PACSIN2: variants seen among roughly 807,000 people sequenced by gnomAD.
The protein encoded by PACSIN2 is protein kinase C and casein kinase substrate in neurons protein 2.
PACSIN2 carries 25 observed loss-of-function variants against 63.8 expected under a neutral mutation model. That is an observed-to-expected ratio of 0.39 (90% CI 0.29 to 0.55). The LOEUF is 0.55. Ranked by LOEUF, PACSIN2 falls within the 20% of genes least tolerant of loss-of-function variation. PACSIN2 has a pLI of 0.62. For synonymous variants in PACSIN2, 255 were observed against 256.2 expected (o/e 1.00, Z 0.05); for missense variants, 518 against 646.9 (o/e 0.80, Z 2.16).
intron 1 of PACSIN2, among the ~76,000 whole-genome samples, chr22:42,975,959 G>A (rs994260970): frequency 3.3e-5 from 5 of 152,088 alleles, no homozygotes; most frequent in Non-Finnish European, 7.4e-5. Context: ...GGCCAAAAGC[G>A]GGCCAATGCT....
intron 2 of PACSIN2, among the ~76,000 whole-genome samples, chr22:42,910,300 C>T (rs1211371869): frequency 6.6e-6 from 1 of 152,192 alleles, no homozygotes; most frequent in Non-Finnish European, 1.5e-5. Flanking sequence ...AAAAAAGAGG[C>T]TCCCCATAAC....
intron 1 of PACSIN2, among the ~76,000 whole-genome samples, chr22:42,991,937 T>C (rs1467035696): frequency 6.6e-6 from 1 of 152,094 alleles, no homozygotes; most frequent in Admixed American, 6.5e-5. Flanking sequence ...GAGAAAACAT[T>C]TGTGACCTGG....
At chr22:42,888,589 C>T (rs1422130856) in intron 5 of PACSIN2, 54 bp downstream of exon 5, 17 of 1,577,742 alleles carry the variant, frequency 1.1e-5, no homozygotes, top group African/African-American at 1.3e-5. Flanking sequence ...ATGCCAGACA[C>T]GTCAACAACT....
At chr22:43,009,923 G>A (rs1924356187) in intron 1 of PACSIN2, among the ~76,000 whole-genome samples, 2 of 141,970 alleles carry the variant, frequency 1.4e-5, no homozygotes, top group African/African-American at 2.7e-5. Flanking sequence ...AGGCTGGAGT[G>A]CAGTGGCACA....
intron 10 of PACSIN2, among the ~76,000 whole-genome samples, chr22:42,872,800 G>A (rs1035300871): frequency 1.3e-5 from 2 of 152,246 alleles, no homozygotes; most frequent in African/African-American, 2.4e-5. Context: ...CTGTCGTGCC[G>A]CTTCTGCCAG....
chr22:42,894,367 A>G (rs1288447823), intron 2 of PACSIN2, among the ~76,000 whole-genome samples: 3 of 152,040 alleles, frequency 2.0e-5, no homozygotes, highest in Admixed American at 2.0e-4. Context: ...CAGCCTCCTC[A>G]GTAGCTGGGA....
intron 7 of PACSIN2, 87 bp downstream of exon 7, chr22:42,882,097 C>T: frequency 6.8e-7 from 1 of 1,468,386 alleles, no homozygotes; most frequent in East Asian, 2.3e-5. Context: ...AACATAGAGT[C>T]TAGAATGAGA....
chr22:42,952,417 A>T (rs1933734435), intron 1 of PACSIN2, among the ~76,000 whole-genome samples: 1 of 148,370 alleles, frequency 6.7e-6, no homozygotes, highest in Admixed American at 6.7e-5. Flanking sequence ...GTGCAGTGGC[A>T]TGATCTTGGC....
intron 2 of PACSIN2, among the ~76,000 whole-genome samples, chr22:42,908,226 T>A (rs970420188): frequency 1.3e-5 from 2 of 152,082 alleles, no homozygotes; most frequent in Admixed American, 1.3e-4. Context: ...CCGGGGAGCT[T>A]TTGTTGAGGC....
At chr22:42,889,395 C>CACACACACAT (rs1929740302) in intron 4 of PACSIN2, among the ~76,000 whole-genome samples, 1 of 152,040 alleles carries the variant, frequency 6.6e-6, no homozygotes, top group Non-Finnish European at 1.5e-5. Context: ...CACACACACA[C>CACACACACAT]ACACTCTTAA....
intron 10 of PACSIN2, among the ~76,000 whole-genome samples, chr22:42,875,740 T>C (rs9607974): frequency 0.051 from 7,807 of 152,238 alleles, 338 homozygotes; most frequent in African/African-American, 0.12. Context: ...TTCACCATGT[T>C]GGTTAGGCTG....
intron 1 of PACSIN2, among the ~76,000 whole-genome samples, chr22:42,967,844 C>T (rs995289717): frequency 2.0e-5 from 3 of 152,138 alleles, no homozygotes; most frequent in Admixed American, 6.5e-5. Flanking sequence ...GCCGAGATCA[C>T]GCCACTGCAC....
chr22:42,912,437 C>T (rs1460918487), intron 1 of PACSIN2, among the ~76,000 whole-genome samples: 2 of 152,204 alleles, frequency 1.3e-5, no homozygotes, highest in South Asian at 2.1e-4. Context: ...ACCTACTCTA[C>T]CTAACTGGTA....
chr22:42,957,821 T>G (rs1933975878), intron 1 of PACSIN2, among the ~76,000 whole-genome samples: 1 of 152,124 alleles, frequency 6.6e-6, no homozygotes, highest in South Asian at 2.1e-4. Flanking sequence ...GTATTAGTTG[T>G]GATTGTATTA....
chr22:42,881,339 C>A (rs377546902), intron 7 of PACSIN2, among the ~76,000 whole-genome samples: 1 of 152,166 alleles, frequency 6.6e-6, no homozygotes, highest in Non-Finnish European at 1.5e-5. Flanking sequence ...CCATTCCACA[C>A]GTGGGAAAAC....
At position 42,871,487 on chromosome 22, in the gene PACSIN2, A is replaced by G; in HGVS notation, c.1349-18T>C. 6.3e-7 allele frequency: 1 copy of G among 1,578,576 alleles called. No individual in the cohort carries two copies. Among genetic ancestry groups the G allele is most frequent in the East Asian group, 2.2e-5 (1 of 44,714 alleles). The stretch of plus-strand genomic sequence containing the variant: ...CTCATCCCCTGCAAGACAAAGAGGG[A>G]GCCGTCTCCATGAGAGGTATGACAC... On this transcript the variant is annotated intron_variant, in intron 10 of 10. Coordinates refer to ENST00000263246, the MANE Select transcript of PACSIN2 (RefSeq NM_001184970.3). The surrounding 1 kb of genome is among the most constrained non-coding windows in gnomAD (Gnocchi z 5.4).
intron 10 of PACSIN2, among the ~76,000 whole-genome samples, chr22:42,872,576 G>A (rs75400063): frequency 0.011 from 1,614 of 152,314 alleles, 29 homozygotes; most frequent in African/African-American, 0.036. Flanking sequence ...ACATGCCTGC[G>A]GAGCTAATAC....
At chr22:42,901,555 T>C (rs941168264) in intron 2 of PACSIN2, among the ~76,000 whole-genome samples, 2 of 152,224 alleles carry the variant, frequency 1.3e-5, no homozygotes, top group Admixed American at 1.3e-4. Context: ...ATTTCTGCCC[T>C]TTCAGTTGTC....
At chr22:42,907,311 G>T (rs956928028) in intron 2 of PACSIN2, among the ~76,000 whole-genome samples, 4 of 152,226 alleles carry the variant, frequency 2.6e-5, no homozygotes, top group African/African-American at 7.2e-5. Flanking sequence ...CATCCAATCT[G>T]CTTTTCTAGA....
Sources: allele counts gnomAD v4.1 joint callset (sites outside exome capture counted in the v4.1 genomes callset), GRCh38; gene constraint gnomAD v4.1.1; non-coding constraint Gnocchi (gnomAD v3.1); transcripts MANE v1.5; gene names NCBI Gene and HGNC (gene_info 2026-07-23, HGNC 2026-07-21).